The following HEATR5A variants were observed in gnomAD, a reference collection of about 807,000 sequenced individuals.
HEATR5A encodes HEAT repeat-containing protein 5A.
Under a neutral mutation model 218.8 loss-of-function variants are expected in HEATR5A, and 178 were observed. The ratio of observed to expected loss-of-function variants is 0.81; its 90% confidence interval spans 0.72 to 0.92. The LOEUF (loss-of-function observed/expected upper bound fraction) is 0.92. Among genes scored for constraint, HEATR5A ranks in the 40% least tolerant of loss-of-function variants. The pLI, the probability that HEATR5A is intolerant of heterozygous loss-of-function variation, is 0.00. For missense variants in HEATR5A, 2,420 were observed against 2,418.9 expected (o/e 1.00, Z -0.01); for synonymous variants, 864 against 871.6 (o/e 0.99, Z 0.15).
intron 1 of HEATR5A, among the ~76,000 whole-genome samples, chr14:31,418,783 G>A (rs1346659956): frequency 6.6e-6 from 1 of 152,092 alleles, no homozygotes; most frequent in East Asian, 1.9e-4. Flanking sequence ...GTCATTAAAC[G>A]CTTAATTCAG....
intron 33 of HEATR5A, among the ~76,000 whole-genome samples, chr14:31,299,436 G>A (rs12589270): frequency 0.16 from 24,503 of 152,034 alleles, 2,153 homozygotes; most frequent in East Asian, 0.35. Flanking sequence ...AAACCCTTTC[G>A]TGGCCAGACA....
chr14:31,325,061 T>C (rs920296989), intron 23 of HEATR5A, among the ~76,000 whole-genome samples: 9 of 152,200 alleles, frequency 5.9e-5, no homozygotes, highest in African/African-American at 2.2e-4. Flanking sequence ...ATTTTAAAAG[T>C]TGTGTAGGCG....
intron 10 of HEATR5A, among the ~76,000 whole-genome samples, chr14:31,382,481 G>A (rs1749073139): frequency 6.6e-6 from 1 of 152,102 alleles, no homozygotes. Flanking sequence ...AGAAGTATGG[G>A]TTAGAAGGGC....
At chr14:31,308,161 A>G in intron 29 of HEATR5A, 141 bp from the exon 30 acceptor site, 3 of 770,528 alleles carry the variant, frequency 3.9e-6, no homozygotes, top group South Asian at 2.0e-5. Context: ...ATTTAAGACT[A>G]AACAATTAAA....
intron 13 of HEATR5A, among the ~76,000 whole-genome samples, chr14:31,365,663 C>G (rs1289695525): frequency 1.4e-5 from 2 of 147,722 alleles, no homozygotes; most frequent in African/African-American, 5.0e-5. Context: ...CCAGCGTGTA[C>G]TTTTTTTGTT....
In HEATR5A at chr14:31,337,527, A is replaced by C. The variant is rs778363643; in HGVS notation, c.3316T>G (p.Ser1106Ala). The C allele has an allele frequency of 1.1e-5, 17 of 1,564,846 alleles. No individual in the cohort carries two copies. The South Asian group carries it at 1.9e-4, about 17-fold the overall frequency. ...QLVQREAAEV[S>A]EHAVMLAKDS... Reference sequence around the variant, plus strand: ...TTAGCAAGCATAACAGCATGTTCTGAAACTTCAGCTGCTTCTCTTTGTACA... The same window carrying C: ...TTAGCAAGCATAACAGCATGTTCTGCAACTTCAGCTGCTTCTCTTTGTACA... Residue 1106 changes from serine (S) to alanine (A), a missense_variant, in exon 22 of 36, where the codon TCA becomes GCA. Physicochemically the swap from Ser to Ala is moderately conservative, Grantham distance 99. Transcript: ENST00000543095.
rs546016074 is a variant in HEATR5A, at chr14:31,327,582, C to T, written c.3368-1240G>A. 6.6e-5 allele frequency among the ~76,000 whole-genome samples: 10 copies of T among 152,146 alleles called. No homozygotes were observed. In the South Asian group the frequency reaches 8.3e-4, roughly 13 times the overall value. ...CTAGGATTATAGGCATGAGCCACCA[C>T]GCCTGGCCCAGTATAATTATTTTCT... On this transcript the variant is annotated intron_variant, in intron 22 of 35. Coordinates refer to ENST00000543095, the MANE Select transcript of HEATR5A (RefSeq NM_015473.4).
At position 31,302,464 on chromosome 14, in the gene HEATR5A, C is replaced by G; in HGVS notation, c.5295G>C (p.Glu1765Asp). Residue 1765 changes from glutamate (E) to aspartate (D), a missense_variant, in exon 33 of 36, where the codon GAG (glutamate) becomes GAC (aspartate). By Grantham distance (45) the Glu-to-Asp change is conservative. Coordinates refer to ENST00000543095, the MANE Select transcript of HEATR5A (RefSeq NM_015473.4). ...ILYLTIGVLR[E>D]TAVKLPGGQL... ...GGCCCCCAGGTAACTTCACAGCAGT[C>G]TCTCTGAGGACCCCGATTGTGAGGT... The G allele has an allele frequency of 5.6e-6, 9 of 1,596,590 alleles. No homozygotes were observed. Among genetic ancestry groups the G allele is most frequent in the Non-Finnish European group, 7.7e-6 (9 of 1,170,690 alleles).
At chr14:31,341,273 T>C (rs999804246) in intron 21 of HEATR5A, among the ~76,000 whole-genome samples, 8 of 152,188 alleles carry the variant, frequency 5.3e-5, no homozygotes, top group Non-Finnish European at 1.0e-4. Flanking sequence ...TCTGATAATA[T>C]AATAATCTCT....
At chr14:31,305,209 G>C in intron 31 of HEATR5A, 32 bp from the exon 32 acceptor site, 2 of 1,591,824 alleles carry the variant, frequency 1.3e-6, no homozygotes, top group East Asian at 2.2e-5. Flanking sequence ...AATACTTTGT[G>C]CTTGCTCTGC....
At chr14:31,321,075 C>T (rs929872488) in intron 25 of HEATR5A, among the ~76,000 whole-genome samples, 3 of 152,062 alleles carry the variant, frequency 2.0e-5, no homozygotes, top group African/African-American at 7.2e-5. Flanking sequence ...TTCTTCCCTC[C>T]CTCCCTTGCT....
chr14:31,397,978 T>G (rs1340067755), intron 4 of HEATR5A, among the ~76,000 whole-genome samples: 2 of 152,184 alleles, frequency 1.3e-5, no homozygotes, highest in Admixed American at 1.3e-4. Flanking sequence ...TGCTAAGTTG[T>G]CCTTACATAT....
chr14:31,324,550 G>T (rs1900204096), intron 23 of HEATR5A, among the ~76,000 whole-genome samples: 1 of 152,130 alleles, frequency 6.6e-6, no homozygotes, highest in Non-Finnish European at 1.5e-5. Context: ...AGAAGGTATG[G>T]AGCCAAACCT....
At chr14:31,374,490 G>A (rs773335718) in intron 12 of HEATR5A, among the ~76,000 whole-genome samples, 1 of 152,032 alleles carries the variant, frequency 6.6e-6, no homozygotes, top group Non-Finnish European at 1.5e-5. Flanking sequence ...AAATGGAAAC[G>A]ATTCTTAATG....
At chr14:31,339,449 C>CAAAAAAAAAAAAA in intron 21 of HEATR5A, among the ~76,000 whole-genome samples, 1 of 67,430 alleles carries the variant, frequency 1.5e-5, no homozygotes, top group Non-Finnish European at 2.6e-5. Context: ...AACTGTGTCT[C>CAAAAAAAAAAAAA]AAAAAAAAAA....
Position 31,295,888 on chromosome 14 carries a change from T to C in HEATR5A, c.5619+21A>G, listed in dbSNP as rs545673271. On this transcript the variant is annotated intron_variant, in intron 34 of 35. Transcript: ENST00000543095. ...TAGCCATTGTCCTATTACATACATC[T>C]TTCTGCTAAAAGACACTTACCACAG... 296 of 1,608,232 alleles carry C rather than the reference T, an allele frequency of 1.8e-4. 4 individuals carry two copies. The South Asian group carries it at 2.7e-3, about 15-fold the overall frequency.
chr14:31,349,900 T>C lies in HEATR5A; in HGVS notation c.2597A>G (p.Glu866Gly). The change falls in exon 18 of 36, where the codon GAA becomes GGA. Residue 866 changes from glutamate to glycine, a missense_variant. Coordinates refer to ENST00000543095, the MANE Select transcript of HEATR5A (RefSeq NM_015473.4). The stretch of plus-strand genomic sequence containing the variant: ...ACATCTCAGCAAGGGGTTGGGGCTT[T>C]CTAGGGCTCCCATAACTAATGTTAA... ...FALTLVMGALESPNPLLRCAA... is the reference protein window; with the variant it reads ...FALTLVMGALGSPNPLLRCAA... 4 of 1,612,108 alleles carry C rather than the reference T, an allele frequency of 2.5e-6. No individual in the cohort carries two copies. The highest frequency in any genetic ancestry group is 3.3e-4 in the Middle Eastern group (2 of 6,060).
Position 31,377,540 on chromosome 14 carries a change from A to T in HEATR5A, c.1709-2572T>A, listed in dbSNP as rs1036556359. On this transcript the variant is annotated intron_variant, in intron 11 of 35. Transcript: ENST00000543095. Reference sequence around the variant, plus strand: ...TCCCAGAACTTTGGGAGGTCAAGGAAGGCAGATTGCTTAAGTCCAGGAGTA... The same window carrying T: ...TCCCAGAACTTTGGGAGGTCAAGGATGGCAGATTGCTTAAGTCCAGGAGTA... Among the ~76,000 whole-genome samples the T allele has an allele frequency of 1.3e-4, 20 of 152,246 alleles. 1 individual carries two copies. The South Asian group carries it at 3.5e-3, about 27-fold the overall frequency.
At chr14:31,316,047 G>T in intron 26 of HEATR5A, 98 bp from the exon 27 acceptor site, 1 of 921,962 alleles carries the variant, frequency 1.1e-6, no homozygotes, top group Non-Finnish European at 1.6e-6. Context: ...ACTTTGGGAG[G>T]TGACGCAGGC....
Sources: allele counts gnomAD v4.1 joint callset (sites outside exome capture counted in the v4.1 genomes callset), GRCh38; gene constraint gnomAD v4.1.1; transcripts MANE v1.5; gene names NCBI Gene and HGNC (gene_info 2026-07-23, HGNC 2026-07-21).